The following CHIA variants were observed in gnomAD, a reference collection of about 807,000 sequenced individuals.
CHIA encodes chitinase acidic, also known as acidic mammalian chitinase.
Under a neutral mutation model 53.5 loss-of-function variants are expected in CHIA, and 47 were observed. The observed-to-expected ratio is 0.88, with a 90% CI of 0.70 to 1.12. The LOEUF (loss-of-function observed/expected upper bound fraction) is 1.12, where lower values mean the gene tolerates loss of function less well. Among genes scored for constraint, CHIA ranks in the 50% most tolerant of loss-of-function variants. The probability of loss-of-function intolerance (pLI) is 0.00; values close to 1 mark genes in which losing one functional copy is unlikely to be tolerated. For missense variants in CHIA, 652 were observed against 592.2 expected (o/e 1.10, Z -1.05); for synonymous variants, 268 against 222.2 (o/e 1.21, Z -1.83).
rs35562130 is a variant in CHIA, at chr1:111,301,705, C to CAA, written c.-68-8675_-68-8674dup. The stretch of plus-strand genomic sequence containing the variant: ...GGGCAACAAAGCAAGACTCTCTCTC[C>CAA]AAAAAAAAAAAAAAAAAAAAAGATG... On this transcript the variant is annotated intron_variant, in intron 1 of 11. Coordinates refer to ENST00000369740, the MANE Select transcript of CHIA (RefSeq NM_201653.4). Among the ~76,000 whole-genome samples the CAA allele has an allele frequency of 1.4e-3, 143 of 105,420 alleles. 1 individual carries two copies. The highest frequency in any genetic ancestry group is 3.5e-3 in the Admixed American group (37 of 10,566). 69.2% of individuals were successfully genotyped at this position (105,420 alleles called of 152,430 possible).
At chr1:111,316,291 T>C (rs988568568) in intron 6 of CHIA, 1 of 156,884 alleles carries the variant, frequency 6.4e-6, no homozygotes, top group Non-Finnish European at 1.4e-5. Context: ...TGGGACTGTT[T>C]TGAAGAATTT....
rs139420194 is a variant in CHIA, at chr1:111,318,652, G to A, written c.889G>A (p.Glu297Lys). The A allele has an allele frequency of 4.6e-5, 75 of 1,614,096 alleles. No individual in the cohort carries two copies. The African/African-American group carries it at 9.3e-4, about 20-fold the overall frequency. ...TGGTCCTGCTGGGCCCTATGCCAAGGAGTCTGGGATCTGGGCTTACTACGA... is the reference window on the plus strand; with the variant it reads ...TGGTCCTGCTGGGCCCTATGCCAAGAAGTCTGGGATCTGGGCTTACTACGA... ...GAGPAGPYAKESGIWAYYEIC... is the reference protein window; with the variant it reads ...GAGPAGPYAKKSGIWAYYEIC... The change falls in exon 9 of 12, where the codon GAG becomes AAG. Residue 297 changes from glutamate (E) to lysine (K), a missense_variant. Glu to Lys is a moderately conservative substitution (Grantham distance 56, BLOSUM62 1). Coordinates refer to ENST00000369740, the MANE Select transcript of CHIA (RefSeq NM_201653.4).
At position 111,320,493 on chromosome 1, in the gene CHIA, G is replaced by T; in HGVS notation, c.*27G>T. The stretch of plus-strand genomic sequence containing the variant: ...CCTGACCTGGTCTATATTCCCTAGA[G>T]TTCCAGTCTCTTTTGCTTAGGACAT... On this transcript the variant is annotated 3_prime_UTR_variant, in exon 12 of 12. Transcript: ENST00000369740. 1 of 1,601,278 alleles carries T rather than the reference G, an allele frequency of 6.2e-7. No individual in the cohort carries two copies.
chr1:111,314,529 T>G lies in CHIA; in HGVS notation c.258-11T>G. Reference sequence around the variant, plus strand: ...TTTGAAGTTTATCTGTTTCTATCCTTTGTTTTACAGGAACAGCCAGCTGAA... The same window carrying G: ...TTTGAAGTTTATCTGTTTCTATCCTGTGTTTTACAGGAACAGCCAGCTGAA... On this transcript the variant is annotated splice_polypyrimidine_tract_variant and intron_variant, in intron 4 of 11. Coordinates refer to ENST00000369740, the MANE Select transcript of CHIA (RefSeq NM_201653.4). The G allele has an allele frequency of 1.9e-6, 3 of 1,595,276 alleles. No individual in the cohort carries two copies. The South Asian group carries it at 3.3e-5, about 18-fold the overall frequency.
chr1:111,298,457 A>G (rs1647400019), intron 1 of CHIA, among the ~76,000 whole-genome samples: 1 of 152,214 alleles, frequency 6.6e-6, no homozygotes, highest in South Asian at 2.1e-4. Context: ...AAACCGCACC[A>G]CTACATGGAA....
chr1:111,318,203 T>G (rs1477958771), intron 8 of CHIA, 94 bp downstream of exon 8: 14 of 1,302,044 alleles, frequency 1.1e-5, no homozygotes, highest in Non-Finnish European at 1.5e-5. Flanking sequence ...TTTAGTGGTT[T>G]TCTCAAATGG....
intron 6 of CHIA, chr1:111,317,266 A>G (rs1285633331): frequency 1.1e-5 from 2 of 180,932 alleles, no homozygotes; most frequent in African/African-American, 4.7e-5. Context: ...TTATTGGCCA[A>G]TACACCATTT....
chr1:111,314,693 G>A, intron 5 of CHIA, 97 bp downstream of exon 5: 2 of 806,482 alleles, frequency 2.5e-6, no homozygotes, highest in Admixed American at 2.2e-5. Flanking sequence ...TCTAAGACAG[G>A]GTATTGAGGA....
intron 6 of CHIA, chr1:111,316,106 C>T (rs766109593): frequency 1.1e-5 from 3 of 273,204 alleles, no homozygotes; most frequent in Non-Finnish European, 2.2e-5. Flanking sequence ...GATGCTTGGG[C>T]TCAGTCTTGA....
intron 5 of CHIA, 67 bp downstream of exon 5, chr1:111,314,663 T>G (rs1648999344): frequency 2.5e-5 from 27 of 1,079,910 alleles, no homozygotes; most frequent in East Asian, 1.2e-4. Context: ...ATGTGATCAC[T>G]GTCCCTTTAG....
intron 4 of CHIA, among the ~76,000 whole-genome samples, chr1:111,313,987 T>C (rs1233452457): frequency 1.3e-5 from 2 of 152,182 alleles, no homozygotes; most frequent in South Asian, 2.1e-4. Flanking sequence ...CTCAAAATCA[T>C]GTGAGGTACC....
intron 1 of CHIA, among the ~76,000 whole-genome samples, chr1:111,291,398 A>G (rs950758126): frequency 6.6e-6 from 1 of 152,210 alleles, no homozygotes; most frequent in African/African-American, 2.4e-5. Context: ...TCCTCAGCAA[A>G]CTAACACAGA....
intron 1 of CHIA, among the ~76,000 whole-genome samples, chr1:111,293,511 A>G (rs188392877): frequency 4.0e-4 from 61 of 152,308 alleles, no homozygotes; most frequent in Middle Eastern, 3.4e-3. Flanking sequence ...AACTCTTTGC[A>G]AATATTTTCT....
intron 5 of CHIA, chr1:111,315,016 G>T: frequency 2.2e-6 from 1 of 458,290 alleles, no homozygotes; most frequent in Non-Finnish European, 3.9e-6. Context: ...GGGTTTGCCA[G>T]GTATCCAAAG....
chr1:111,293,848 G>C (rs755673810), intron 1 of CHIA, among the ~76,000 whole-genome samples: 1 of 152,184 alleles, frequency 6.6e-6, no homozygotes, highest in Non-Finnish European at 1.5e-5. Context: ...GAGAGGCCAA[G>C]GTGGGCAGAT....
intron 2 of CHIA, 72 bp from the exon 3 acceptor site, chr1:111,311,617 C>T: frequency 6.5e-7 from 1 of 1,547,622 alleles, no homozygotes; most frequent in Non-Finnish European, 8.9e-7. Flanking sequence ...GGAAGGCAAT[C>T]AATCCTTCAG....
At chr1:111,293,269 GCCATCCTA>G (rs1661136478) in intron 1 of CHIA, among the ~76,000 whole-genome samples, 4 of 152,230 alleles carry the variant, frequency 2.6e-5, no homozygotes, top group African/African-American at 9.6e-5. Flanking sequence ...TTTGATAGTA[GCCATCCTA>G]GTGGATATGA....
At chr1:111,298,465 G>A (rs1647401755) in intron 1 of CHIA, among the ~76,000 whole-genome samples, 1 of 152,182 alleles carries the variant, frequency 6.6e-6, no homozygotes, top group African/African-American at 2.4e-5. Flanking sequence ...CCACTACATG[G>A]AAAGTGAACA....
intron 1 of CHIA, among the ~76,000 whole-genome samples, chr1:111,295,430 G>A (rs1177712219): frequency 2.0e-5 from 3 of 152,212 alleles, no homozygotes; most frequent in East Asian, 1.9e-4. Flanking sequence ...AGCTTTGTTA[G>A]GTTTCTTGTT....
Sources: gnomAD v4.1 joint callset for allele counts (sites outside exome capture counted in the v4.1 genomes callset) on GRCh38, gnomAD v4.1.1 for gene constraint, MANE v1.5 for transcripts, NCBI Gene and HGNC (gene_info 2026-07-23, HGNC 2026-07-21) for gene names.